MMAA: variants seen among roughly 807,000 people sequenced by gnomAD.
MMAA encodes metabolism of cobalamin associated A.
MMAA carries 41 observed loss-of-function variants against 45.0 expected under a neutral mutation model. The observed-to-expected ratio is 0.91, with a 90% CI of 0.71 to 1.18. The LOEUF (loss-of-function observed/expected upper bound fraction) is 1.18, where lower values mean the gene tolerates loss of function less well. Ranked by LOEUF, MMAA falls within the 50% of genes most tolerant of loss-of-function variation. The probability of loss-of-function intolerance (pLI) is 0.00; values close to 1 mark genes in which losing one functional copy is unlikely to be tolerated. For missense variants in MMAA, 460 were observed against 495.7 expected, an observed-to-expected ratio of 0.93 and a Z score of 0.68; for synonymous variants, 154 against 178.2, an observed-to-expected ratio of 0.86 and a Z score of 1.08.
intron 4 of MMAA, among the ~76,000 whole-genome samples, chr4:145,650,089 G>A (rs759979400): frequency 2.0e-5 from 3 of 152,224 alleles, no homozygotes; most frequent in Non-Finnish European, 4.4e-5. Context: ...ATAAAAGTGA[G>A]AAACGTGGTG....
Position 145,657,467 on chromosome 4 carries a change from G to A in MMAA, c.*2033G>A, listed in dbSNP as rs959648600. On this transcript the variant is annotated 3_prime_UTR_variant, in exon 7 of 7. Coordinates refer to ENST00000649156, the MANE Select transcript of MMAA (RefSeq NM_172250.3). Reference sequence around the variant, plus strand: ...TGACTTGGTCAAAAGCATAGGTTTTGACTTAGATACATGTGGGGGCAGATC... The same window carrying A: ...TGACTTGGTCAAAAGCATAGGTTTTAACTTAGATACATGTGGGGGCAGATC... The A allele has an allele frequency of 6.6e-6, 1 of 151,882 alleles. No individual in the cohort carries two copies. The highest frequency in any genetic ancestry group is 1.5e-5 in the Non-Finnish European group (1 of 67,990). 9.4% of individuals were successfully genotyped at this position (151,882 alleles called of 1,614,324 possible).
rs142063642 is a variant in MMAA, at chr4:145,654,032, A to T, written c.858A>T (p.Val286=). The part of the protein sequence containing the change: ...KRGIIEMADL[V]AVTKSDGDLI... ...GTATAATCGAGATGGCAGATCTGGT[A>T]GCTGTAACTAAATCTGATGGAGACT... is the stretch of plus-strand genomic sequence containing the variant. Residue 286 remains valine (V), a synonymous_variant, in exon 6 of 7, where the codon GTA becomes GTT. Coordinates refer to ENST00000649156, the MANE Select transcript of MMAA (RefSeq NM_172250.3). 6.2e-7 allele frequency: 1 copy of T among 1,614,074 alleles called. No homozygotes were observed. The highest frequency in any genetic ancestry group is 1.3e-5 in the African/African-American group (1 of 74,932).
chr4:145,640,234 T>C (rs1395999773), intron 2 of MMAA, among the ~76,000 whole-genome samples: 1 of 152,108 alleles, frequency 6.6e-6, no homozygotes. Flanking sequence ...TGCCTCAGCC[T>C]CCCGAGTAGC....
chr4:145,640,152 G>A (rs1165866473), intron 2 of MMAA, among the ~76,000 whole-genome samples: 1 of 152,058 alleles, frequency 6.6e-6, no homozygotes, highest in Admixed American at 6.6e-5. Context: ...TGTCGCCCAG[G>A]CTGGAGTGCA....
At position 145,657,482 on chromosome 4, in the gene MMAA, G is replaced by T. The variant is rs918117149; in HGVS notation, c.*2048G>T. 6.6e-6 allele frequency: 1 copy of T among 151,950 alleles called. No homozygotes were observed. The highest frequency in any genetic ancestry group is 1.5e-5 in the Non-Finnish European group (1 of 67,996). 9.4% of individuals were successfully genotyped at this position (151,950 alleles called of 1,614,324 possible). A position where few individuals can be genotyped will look rare whatever the true frequency, so the allele number is the denominator to read the frequency against. ...CATAGGTTTTGACTTAGATACATGT[G>T]GGGGCAGATCTCAGCTCTATCACTA... On this transcript the variant is annotated 3_prime_UTR_variant, in exon 7 of 7. Coordinates refer to ENST00000649156, the MANE Select transcript of MMAA (RefSeq NM_172250.3).
intron 1 of MMAA, among the ~76,000 whole-genome samples, chr4:145,636,831 TTAAG>T (rs1160481872): frequency 1.3e-5 from 2 of 152,200 alleles, no homozygotes; most frequent in African/African-American, 4.8e-5. Context: ...ATTAGGTTAT[TTAAG>T]ATAAGATAAT....
chr4:145,660,021 T>C lies in MMAA; in HGVS notation c.*4587T>C, dbSNP rs976363219. The stretch of plus-strand genomic sequence containing the variant: ...TTCTGTTCCCTATGAGATAAAACTT[T>C]TTTTGTCTTCCATATGAGTGGGATC... On this transcript the variant is annotated 3_prime_UTR_variant, in exon 7 of 7. Transcript: ENST00000649156. 2 of 152,236 alleles carry C rather than the reference T, an allele frequency of 1.3e-5. No individual in the cohort carries two copies. The highest frequency in any genetic ancestry group is 4.8e-5 in the African/African-American group (2 of 41,532). 9.4% of individuals were successfully genotyped at this position (152,236 alleles called of 1,614,324 possible). A position where few individuals can be genotyped will look rare whatever the true frequency, so the allele number is the denominator to read the frequency against.
intron 1 of MMAA, among the ~76,000 whole-genome samples, chr4:145,629,008 A>G (rs567232556): frequency 6.6e-6 from 1 of 152,300 alleles, no homozygotes; most frequent in East Asian, 1.9e-4. Context: ...TAAATGACAT[A>G]TAAACATCGA....
At chr4:145,642,624 A>C (rs1727819588) in intron 3 of MMAA, 139 bp downstream of exon 3, 4 of 1,222,438 alleles carry the variant, frequency 3.3e-6, no homozygotes, top group Non-Finnish European at 4.8e-6. Flanking sequence ...CTGCAGAGTT[A>C]GGTGGAAGCT....
At chr4:145,619,886 A>T (rs560338594) in intron 1 of MMAA, among the ~76,000 whole-genome samples, 3 of 152,342 alleles carry the variant, frequency 2.0e-5, no homozygotes, top group African/African-American at 7.2e-5. Flanking sequence ...ACTAAAAGTT[A>T]CAAACAGTAT....
intron 1 of MMAA, among the ~76,000 whole-genome samples, chr4:145,631,143 C>T (rs1734327805): frequency 6.6e-6 from 1 of 152,292 alleles, no homozygotes; most frequent in African/African-American, 2.4e-5. Flanking sequence ...ATGAAATGTT[C>T]TGTAAATACC....
At chr4:145,636,151 A>C (rs1170687209) in intron 1 of MMAA, among the ~76,000 whole-genome samples, 1 of 152,234 alleles carries the variant, frequency 6.6e-6, no homozygotes, top group African/African-American at 2.4e-5. Context: ...ATAAGTTCAG[A>C]TCAGCAGCAG....
At chr4:145,646,240 C>T in intron 4 of MMAA, 84 bp downstream of exon 4, 1 of 1,487,122 alleles carries the variant, frequency 6.7e-7, no homozygotes, top group Non-Finnish European at 9.4e-7. Context: ...TTTGTTCATT[C>T]AGCAGATATT....
intron 1 of MMAA, among the ~76,000 whole-genome samples, chr4:145,635,225 T>C (rs1727578090): frequency 6.6e-6 from 1 of 152,146 alleles, no homozygotes; most frequent in Non-Finnish European, 1.5e-5. Flanking sequence ...TGGCTAGGCT[T>C]CTGTGAGCTC....
chr4:145,622,436 T>C (rs1734107787), intron 1 of MMAA, among the ~76,000 whole-genome samples: 1 of 152,172 alleles, frequency 6.6e-6, no homozygotes, highest in Non-Finnish European at 1.5e-5. Flanking sequence ...ATCAGACTAA[T>C]ATACTAGATA....
chr4:145,654,833 C>T (rs989091363), intron 6 of MMAA, among the ~76,000 whole-genome samples: 2 of 152,056 alleles, frequency 1.3e-5, no homozygotes, highest in Admixed American at 6.6e-5. Flanking sequence ...CTGGCATTGC[C>T]CTTGTCACAA....
intron 3 of MMAA, among the ~76,000 whole-genome samples, chr4:145,644,645 A>G (rs1477177930): frequency 6.6e-6 from 1 of 152,230 alleles, no homozygotes; most frequent in Non-Finnish European, 1.5e-5. Flanking sequence ...TACAATGAAA[A>G]CAAAAACATA....
At chr4:145,624,025 A>G (rs942719152) in intron 1 of MMAA, 4 of 744,592 alleles carry the variant, frequency 5.4e-6, no homozygotes, top group Non-Finnish European at 9.9e-6. Context: ...TCACTTTACT[A>G]GTTCAAAATT....
At chr4:145,627,156 A>G (rs2126608856) in intron 1 of MMAA, among the ~76,000 whole-genome samples, 1 of 152,362 alleles carries the variant, frequency 6.6e-6, no homozygotes, top group African/African-American at 2.4e-5. Flanking sequence ...AGAAACCACT[A>G]TTTTAAATGT....
Sources: allele counts gnomAD v4.1 joint callset (sites outside exome capture counted in the v4.1 genomes callset), GRCh38; gene constraint gnomAD v4.1.1; transcripts MANE v1.5; gene names NCBI Gene and HGNC (gene_info 2026-07-23, HGNC 2026-07-21).